ZNRF1: variants seen among roughly 807,000 people sequenced by gnomAD.
The protein encoded by ZNRF1 is zinc and ring finger 1.
In ZNRF1, 3 loss-of-function variants were observed where a neutral mutation model predicts 18.4. The observed-to-expected ratio is 0.16, with a 90% confidence interval of 0.07 to 0.42. The LOEUF is 0.42. Ranked by LOEUF, ZNRF1 falls within the 10% of genes least tolerant of loss-of-function variation. The probability of loss-of-function intolerance (pLI) is 0.99; values close to 1 mark genes in which losing one functional copy is unlikely to be tolerated. For missense variants in ZNRF1, 310 were observed against 329.8 expected (o/e 0.94, Z 0.47); for synonymous variants, 157 against 144.2 (o/e 1.09, Z -0.64).
At chr16:75,101,935 G>A (rs1052239654) in intron 2 of ZNRF1, among the ~76,000 whole-genome samples, 68 of 152,202 alleles carry the variant, frequency 4.5e-4, no homozygotes, top group African/African-American at 1.6e-3. Context: ...CACTTCAGCA[G>A]CAGACTGTGC....
rs2035900906 is a variant in ZNRF1 at position 75,073,576 on chromosome 16, G to T, written c.425-19996G>T. ...TCTAAGGTTTTAGTTGTGTGCATGTGTTTTTAACTTAGGTAAAATGGCACA... is the reference window on the plus strand; with the variant it reads ...TCTAAGGTTTTAGTTGTGTGCATGTTTTTTTAACTTAGGTAAAATGGCACA... On this transcript the variant is annotated intron_variant, in intron 1 of 4. Coordinates refer to ENST00000335325, the MANE Select transcript of ZNRF1 (RefSeq NM_032268.5). 2.0e-5 allele frequency among the ~76,000 whole-genome samples: 3 copies of T among 152,282 alleles called. No individual in the cohort carries two copies. In the South Asian group the frequency reaches 6.2e-4, roughly 32 times the overall value.
chr16:75,077,355 A>AGTAG (rs1356768860), intron 1 of ZNRF1, among the ~76,000 whole-genome samples: 1 of 152,216 alleles, frequency 6.6e-6, no homozygotes, highest in Non-Finnish European at 1.5e-5. Context: ...CAACATGTAC[A>AGTAG]AACCCCGTCT....
At chr16:75,030,188 C>G (rs1174246202) in intron 1 of ZNRF1, among the ~76,000 whole-genome samples, 1 of 151,924 alleles carries the variant, frequency 6.6e-6, no homozygotes, top group Non-Finnish European at 1.5e-5. Context: ...ACCACATTTA[C>G]CATACTCATG....
At chr16:75,010,699 C>CTATTTTTTTTT (rs1567464687) in intron 1 of ZNRF1, among the ~76,000 whole-genome samples, 2 of 103,108 alleles carry the variant, frequency 1.9e-5, no homozygotes, top group Non-Finnish European at 3.8e-5. Flanking sequence ...CTGTACTGTA[C>CTATTTTTTTTT]TGTTTTTTTT....
At chr16:75,056,571 A>G (rs1051612400) in intron 1 of ZNRF1, among the ~76,000 whole-genome samples, 4 of 152,334 alleles carry the variant, frequency 2.6e-5, no homozygotes, top group East Asian at 1.9e-4. Flanking sequence ...CACAAGTATC[A>G]TGATGTGAGA....
chr16:75,019,750 G>A (rs1001284281), intron 1 of ZNRF1, among the ~76,000 whole-genome samples: 1 of 152,028 alleles, frequency 6.6e-6, no homozygotes, highest in East Asian at 1.9e-4. Flanking sequence ...GTTGAGACAG[G>A]GTCTTGCTTT....
intron 2 of ZNRF1, among the ~76,000 whole-genome samples, chr16:75,100,846 T>G (rs1176863093): frequency 1.3e-5 from 2 of 152,224 alleles, no homozygotes; most frequent in Non-Finnish European, 2.9e-5. Context: ...ATGACGACTC[T>G]GCCCTCACTA....
chr16:75,024,260 T>A (rs1359782114), intron 1 of ZNRF1, among the ~76,000 whole-genome samples: 2 of 152,176 alleles, frequency 1.3e-5, no homozygotes, highest in African/African-American at 2.4e-5. Flanking sequence ...TTACTGTCCT[T>A]GGCTTAGGGA....
intron 1 of ZNRF1, among the ~76,000 whole-genome samples, chr16:75,027,938 T>C (rs1285426577): frequency 6.6e-6 from 1 of 152,200 alleles, no homozygotes; most frequent in East Asian, 1.9e-4. Context: ...TTTCTTAGCC[T>C]TTGTTGATGA....
intron 1 of ZNRF1, among the ~76,000 whole-genome samples, chr16:75,075,810 T>C (rs1567487812): frequency 6.6e-6 from 1 of 152,144 alleles, no homozygotes; most frequent in Non-Finnish European, 1.5e-5. Flanking sequence ...GATGCTGTCA[T>C]GTGGAGATCA....
chr16:75,107,618 G>T (rs1597914774), intron 4 of ZNRF1, 115 bp from the exon 5 acceptor site: 1 of 432,494 alleles, frequency 2.3e-6, no homozygotes, highest in South Asian at 1.6e-5. Flanking sequence ...TTTGGCTTCT[G>T]GGGTCCTGTG....
At position 75,092,171 on chromosome 16, in the gene ZNRF1, A is replaced by G. The variant is rs574050282; in HGVS notation, c.425-1401A>G. Among the ~76,000 whole-genome samples the G allele has an allele frequency of 1.8e-4, 27 of 152,200 alleles. 1 individual carries two copies. The Middle Eastern group carries it at 0.01, about 58-fold the overall frequency. The stretch of plus-strand genomic sequence containing the variant: ...AAAATTTTTAATAACATTTAAAAAT[A>G]TGTATAAGGAAGAGAAAATATATTT... On this transcript the variant is annotated intron_variant, in intron 1 of 4. Coordinates refer to ENST00000335325, the MANE Select transcript of ZNRF1 (RefSeq NM_032268.5).
chr16:75,013,804 ATTAT>A (rs1275529705), intron 1 of ZNRF1, among the ~76,000 whole-genome samples: 1 of 151,928 alleles, frequency 6.6e-6, no homozygotes, highest in Admixed American at 6.6e-5. Context: ...GTGTCTTGGA[ATTAT>A]TTATTTATTT....
chr16:75,075,697 G>C (rs1447522291), intron 1 of ZNRF1, among the ~76,000 whole-genome samples: 1 of 152,196 alleles, frequency 6.6e-6, no homozygotes, highest in Non-Finnish European at 1.5e-5. Flanking sequence ...TGCCTTCAAG[G>C]GGCTTATACT....
chr16:75,109,991 AGGCTTCATGTGCCCGCCTTGGC>A lies in ZNRF1; in HGVS notation c.*2297_*2318del, dbSNP rs2036362866. The A allele has an allele frequency of 6.6e-6, 1 of 152,362 alleles. No individual in the cohort carries two copies. The highest frequency in any genetic ancestry group is 1.5e-5 in the Non-Finnish European group (1 of 68,154). The allele number at this position is 152,362 out of a possible 1,614,324, so 9.4% of individuals were successfully genotyped here. ...GCCTGACCCCTGGACCTGGAAATGG[AGGCTTCATGTGCCCGCCTTGGC>A]GGCTTAAGCCTGCTGCTTTGGCAGT... On this transcript the variant is annotated 3_prime_UTR_variant, in exon 5 of 5. Coordinates refer to ENST00000335325, the MANE Select transcript of ZNRF1 (RefSeq NM_032268.5).
chr16:75,024,957 T>G (rs1176178784), intron 1 of ZNRF1, among the ~76,000 whole-genome samples: 1 of 152,248 alleles, frequency 6.6e-6, no homozygotes, highest in Non-Finnish European at 1.5e-5. Context: ...TGTAAAGCCG[T>G]AGAAAGCACA....
At chr16:75,080,725 G>A (rs1437663856) in intron 1 of ZNRF1, among the ~76,000 whole-genome samples, 1 of 152,122 alleles carries the variant, frequency 6.6e-6, no homozygotes, top group African/African-American at 2.4e-5. Context: ...AAAGACTCCA[G>A]CTGGGCATGG....
intron 1 of ZNRF1, among the ~76,000 whole-genome samples, chr16:75,080,265 C>T (rs2035993775): frequency 6.6e-6 from 1 of 152,188 alleles, no homozygotes; most frequent in African/African-American, 2.4e-5. Context: ...TTCTGCATCC[C>T]AGGATTATGC....
At chr16:75,029,229 C>A (rs903054552) in intron 1 of ZNRF1, among the ~76,000 whole-genome samples, 4 of 152,148 alleles carry the variant, frequency 2.6e-5, no homozygotes, top group Non-Finnish European at 4.4e-5. Flanking sequence ...TCACTGCAAG[C>A]TCCACCTTCC....
Sources: allele counts gnomAD v4.1 joint callset (sites outside exome capture counted in the v4.1 genomes callset), GRCh38; gene constraint gnomAD v4.1.1; transcripts MANE v1.5; gene names NCBI Gene and HGNC (gene_info 2026-07-23, HGNC 2026-07-21).